SEC14L1: variants seen among roughly 807,000 people sequenced by gnomAD.
SEC14L1 encodes the protein SEC14-like protein 1.
SEC14L1 carries 48 observed loss-of-function variants against 85.3 expected under a neutral mutation model. That is an observed-to-expected ratio of 0.56 (90% CI 0.45 to 0.72). The LOEUF is 0.72. SEC14L1 is among the 30% of genes least tolerant of loss of function. SEC14L1 has a pLI of 0.00. For synonymous variants in SEC14L1, 391 were observed against 355.5 expected (o/e 1.10, Z -1.12); for missense variants, 682 against 921.4 (o/e 0.74, Z 3.36).
chr17:77,168,753 T>G (rs1252611988), intron 3 of SEC14L1, among the ~76,000 whole-genome samples: 1 of 152,206 alleles, frequency 6.6e-6, no homozygotes, highest in Non-Finnish European at 1.5e-5. Context: ...TCCCAGGGCA[T>G]TTGGCTGGTG....
At chr17:77,171,844 G>A (rs949326903) in intron 3 of SEC14L1, among the ~76,000 whole-genome samples, 8 of 151,936 alleles carry the variant, frequency 5.3e-5, no homozygotes, top group East Asian at 1.9e-4. Context: ...TACTTGCCTC[G>A]ATTTCCTTCT....
At chr17:77,099,352 A>G (rs1971715697) in intron 3 of SEC14L1, among the ~76,000 whole-genome samples, 1 of 152,130 alleles carries the variant, frequency 6.6e-6, no homozygotes, top group Admixed American at 6.6e-5. Context: ...TAGATTTCTG[A>G]AAGTCAAATT....
Position 77,213,565 on chromosome 17 carries a change from C to T in SEC14L1, c.2042+73C>T, listed in dbSNP as rs763454777. ...TTGGAGGGAGCCTGCAGTCCCACGCCGTGTGCAGGATCAGCAGTGGCGGCG... is the reference window on the plus strand; with the variant it reads ...TTGGAGGGAGCCTGCAGTCCCACGCTGTGTGCAGGATCAGCAGTGGCGGCG... On this transcript the variant is annotated intron_variant, in intron 16 of 16. Transcript: ENST00000436233. The surrounding 1 kb of genome is among the most constrained non-coding windows in gnomAD (Gnocchi z 7.1). 8.5e-5 allele frequency: 132 copies of T among 1,548,848 alleles called. 1 individual carries two copies. The South Asian group carries it at 1.2e-3, about 14-fold the overall frequency.
intron 3 of SEC14L1, among the ~76,000 whole-genome samples, chr17:77,157,115 ATG>A (rs1342578508): frequency 6.6e-6 from 1 of 152,148 alleles, no homozygotes; most frequent in Admixed American, 6.5e-5. Context: ...TAATCACAAA[ATG>A]TGTGTGTTTC....
chr17:77,206,763 G>T lies in SEC14L1; in HGVS notation c.1377G>T (p.Lys459Asn). The T allele has an allele frequency of 6.2e-7, 1 of 1,612,526 alleles. No homozygotes were observed. ...TCATTGATGACAACACCAGAAGGAA[G>T]TTCCTCATTTATGCAGGAAATGACT... ...SPFIDDNTRRKFLIYAGNDYQ... is the reference protein window; with the variant it reads ...SPFIDDNTRRNFLIYAGNDYQ... The change falls in exon 13 of 17, where the codon AAG becomes AAT. Residue 459 changes from lysine (K) to asparagine (N), a missense_variant. Around this residue, in one of 3 missense-constraint regions of SEC14L1, gnomAD observed 420 missense variants for 619.5 expected, o/e 0.68. Transcript: ENST00000436233. The surrounding 1 kb of genome is among the most constrained non-coding windows in gnomAD (Gnocchi z 4.3).
intron 2 of SEC14L1, chr17:77,089,461 G>T (rs753595654): frequency 2.1e-5 from 11 of 518,770 alleles, no homozygotes; most frequent in Non-Finnish European, 4.2e-5. Flanking sequence ...TCTAGCAGCA[G>T]TTTGATGATC....
In SEC14L1 at chr17:77,151,288, C is replaced by T. The variant is rs183782879; in HGVS notation, c.63+7629C>T. ...TCGTTTGTAAAGTTGTGAATGCCAT[C>T]GCGTGAGTCCTATTGCATTTCATCA... On this transcript the variant is annotated intron_variant, in intron 3 of 16. Transcript: ENST00000436233. 3.2e-3 allele frequency among the ~76,000 whole-genome samples: 490 copies of T among 152,166 alleles called. 2 individuals carry two copies. Among genetic ancestry groups the T allele is most frequent in the African/African-American group, 0.011 (448 of 41,498 alleles).
At chr17:77,107,709 G>A (rs1971946439) in intron 3 of SEC14L1, among the ~76,000 whole-genome samples, 3 of 152,108 alleles carry the variant, frequency 2.0e-5, no homozygotes, top group Admixed American at 6.6e-5. Flanking sequence ...TGCCCTCCTT[G>A]ACTTTCTTGC....
At chr17:77,200,702 C>T (rs1485554083) in intron 9 of SEC14L1, 29 bp downstream of exon 9, 2 of 1,594,438 alleles carry the variant, frequency 1.3e-6, no homozygotes, top group Non-Finnish European at 1.7e-6. Context: ...ACTGTGTTTC[C>T]ATCGTTGTCT....
Position 77,205,354 on chromosome 17 carries a change from T to C in SEC14L1, c.1169+8T>C. 6.2e-7 allele frequency: 1 copy of C among 1,612,470 alleles called. No individual in the cohort carries two copies. ...CTTTGGTCGGCCTATCAGGTAGATG[T>C]GGGATTTTGTTTTTCCTTTCAACTT... is the stretch of plus-strand genomic sequence containing the variant. On this transcript the variant is annotated splice_region_variant and intron_variant, in intron 11 of 16. Coordinates refer to ENST00000436233, the MANE Select transcript of SEC14L1 (RefSeq NM_001143998.2).
At chr17:77,107,648 G>T (rs934098998) in intron 3 of SEC14L1, among the ~76,000 whole-genome samples, 5 of 152,088 alleles carry the variant, frequency 3.3e-5, no homozygotes, top group Non-Finnish European at 5.9e-5. Flanking sequence ...AGAATAAACC[G>T]CAACCTCCTC....
At chr17:77,179,995 TTTTTATTTTG>T (rs1469597287) in intron 3 of SEC14L1, among the ~76,000 whole-genome samples, 1 of 151,608 alleles carries the variant, frequency 6.6e-6, no homozygotes, top group Admixed American at 6.6e-5. Context: ...TGTTTTTAGG[TTTTTATTTTG>T]TTTTGTTTTG....
chr17:77,174,941 A>G (rs1011612392), intron 3 of SEC14L1, among the ~76,000 whole-genome samples: 1 of 152,240 alleles, frequency 6.6e-6, no homozygotes, highest in Non-Finnish European at 1.5e-5. Flanking sequence ...ATTGGACTGT[A>G]CAATCTAAAC....
intron 5 of SEC14L1, 145 bp downstream of exon 5, chr17:77,191,457 G>C: frequency 1.1e-6 from 1 of 924,358 alleles, no homozygotes; most frequent in East Asian, 2.4e-5. Context: ...ATGTGTAGGA[G>C]GAAGGGTAGC....
intron 3 of SEC14L1, among the ~76,000 whole-genome samples, chr17:77,120,479 A>G (rs1478251816): frequency 7.0e-6 from 1 of 143,268 alleles, no homozygotes; most frequent in African/African-American, 2.6e-5. Flanking sequence ...TTCTCTCCAC[A>G]TTCTTTTTTT....
chr17:77,091,327 A>G (rs756626237), intron 2 of SEC14L1, among the ~76,000 whole-genome samples: 12 of 152,150 alleles, frequency 7.9e-5, no homozygotes, highest in Non-Finnish European at 1.8e-4. Context: ...ACCTCTGGTG[A>G]TCTGCTCACC....
intron 3 of SEC14L1, among the ~76,000 whole-genome samples, chr17:77,187,442 A>G (rs1173944028): frequency 6.6e-6 from 1 of 151,210 alleles, no homozygotes; most frequent in Admixed American, 6.6e-5. Context: ...TGGTGGCACC[A>G]TTTTGGCACA....
intron 1 of SEC14L1, among the ~76,000 whole-genome samples, chr17:77,142,104 C>T (rs183943808): frequency 9.9e-5 from 15 of 152,228 alleles, no homozygotes; most frequent in African/African-American, 3.4e-4. Flanking sequence ...CCTCATTTTA[C>T]AGAGATGAAA....
At position 77,135,508 on chromosome 17, in the gene SEC14L1, TTCTC is replaced by T. The variant is rs1227791555; in HGVS notation, c.-135-7134_-135-7131del. On this transcript the variant is annotated intron_variant, in intron 3 of 19. Transcript: ENST00000392476. ...TCTCTCTTTGTCTTTCTCTCTTTCT[TTCTC>T]TCTTTCTTTGTCTTCCTTCCTTCCT... Among the ~76,000 whole-genome samples the T allele has an allele frequency of 5.9e-5, 9 of 152,256 alleles. No homozygotes were observed. The South Asian group carries it at 6.2e-4, about 11-fold the overall frequency.
Sources: gnomAD v4.1 joint callset for allele counts (sites outside exome capture counted in the v4.1 genomes callset) on GRCh38, gnomAD v4.1.1 for gene constraint, gnomAD v4.1.1 regional missense constraint, Gnocchi (gnomAD v3.1) non-coding constraint, MANE v1.5 for transcripts, NCBI Gene and HGNC (gene_info 2026-07-23, HGNC 2026-07-21) for gene names.